The following SEZ6L2 variants were observed in gnomAD, a reference collection of about 807,000 sequenced individuals.
SEZ6L2 encodes the protein seizure related 6 homolog like 2, also known as seizure 6-like protein 2.
SEZ6L2 carries 44 observed loss-of-function variants against 97.0 expected under a neutral mutation model. The ratio of observed to expected loss-of-function variants is 0.45; its 90% CI spans 0.36 to 0.58. The LOEUF is 0.58. Among genes scored for constraint, SEZ6L2 ranks in the 20% least tolerant of loss-of-function variants. The pLI, the probability that SEZ6L2 is intolerant of heterozygous loss-of-function variation, is 0.00. For synonymous variants in SEZ6L2, 543 were observed against 546.1 expected, an observed-to-expected ratio of 0.99 and a Z score of 0.08; for missense variants, 1,086 against 1,233.3, an observed-to-expected ratio of 0.88 and a Z score of 1.79.
At chr16:29,894,226 C>T (rs1011741266) in intron 5 of SEZ6L2, among the ~76,000 whole-genome samples, 4 of 152,200 alleles carry the variant, frequency 2.6e-5, no homozygotes, top group Non-Finnish European at 4.4e-5. Flanking sequence ...CCCCATAATA[C>T]TAAGTATTGT....
chr16:29,878,253 C>CA (rs2067951513), intron 10 of SEZ6L2, 34 bp downstream of exon 10: 3 of 1,555,052 alleles, frequency 1.9e-6, no homozygotes, highest in Non-Finnish European at 2.6e-6. Context: ...GCTGAGCCTA[C>CA]ACCCGTCGCA....
At position 29,885,668 on chromosome 16, in the gene SEZ6L2, G is replaced by A. The variant is rs145226777; in HGVS notation, c.1290C>T (p.Leu430=). ...CGTAGAGGGACTGGGCGTCACTGAT[G>A]AGACCCCGCTCGGGGACATCGTCCA... ...SDMDDVPERG[L]ISDAQSLYVE... The change falls in exon 8 of 18, where the codon CTC becomes CTT. Residue 430 remains leucine, a synonymous_variant. Coordinates refer to ENST00000617533, the MANE Select transcript of SEZ6L2 (RefSeq NM_001243332.2). 794 of 1,614,060 alleles carry A rather than the reference G, an allele frequency of 4.9e-4. 4 individuals carry two copies. The African/African-American group carries it at 9.3e-3, about 19-fold the overall frequency.
chr16:29,877,579 G>T, intron 10 of SEZ6L2, 112 bp from the exon 11 acceptor site: 2 of 985,822 alleles, frequency 2.0e-6, no homozygotes, highest in Non-Finnish European at 2.9e-6. Flanking sequence ...CTCCAGCCCC[G>T]CCCATATTCT....
chr16:29,895,179 A>C (rs1410783087), intron 5 of SEZ6L2, 80 bp downstream of exon 5: 1 of 18,554 alleles, frequency 5.4e-5, no homozygotes, highest in Non-Finnish European at 1.0e-4. Context: ...ACTCTGTCTC[A>C]AAAAAAAAAA....
chr16:29,881,841 G>C (rs2068037296), intron 8 of SEZ6L2, among the ~76,000 whole-genome samples: 1 of 145,982 alleles, frequency 6.9e-6, no homozygotes, highest in Non-Finnish European at 1.5e-5. Flanking sequence ...TGTTGGCCAG[G>C]CTGGTCTCGA....
chr16:29,873,394 C>T lies in SEZ6L2; in HGVS notation c.2334G>A (p.Glu778=), dbSNP rs766654683. 1 of 1,614,276 alleles carries T rather than the reference C, an allele frequency of 6.2e-7. No individual in the cohort carries two copies. The highest frequency in any genetic ancestry group is 1.7e-5 in the Admixed American group (1 of 60,034). ...GCTTGTACAGCGTCTGGTAGCCATTCTCGGGAACCCCCGGGTTCAGGCACG... is the reference window on the plus strand; with the variant it reads ...GCTTGTACAGCGTCTGGTAGCCATTTTCGGGAACCCCCGGGTTCAGGCACG... ...YEPCLNPGVP[E]NGYQTLYKHH... Residue 778 remains glutamate (E), a synonymous_variant, in exon 14 of 18, where the codon GAG becomes GAA. Transcript: ENST00000617533. This position sits in a 1 kb window ranked among gnomAD's most constrained non-coding sequence, Gnocchi z 4.3.
rs1304190709 is a variant in SEZ6L2 at position 29,873,091 on chromosome 16, T to C, written c.2488+149A>G. 6.7e-6 allele frequency: 6 copies of C among 898,466 alleles called. No homozygotes were observed. In the African/African-American group the frequency reaches 8.4e-5, roughly 13 times the overall value. The allele number at this position is 898,466 out of a possible 1,614,324, so 55.7% of individuals were successfully genotyped here. A position where few individuals can be genotyped will look rare whatever the true frequency, so the allele number is the denominator to read the frequency against. On this transcript the variant is annotated intron_variant, in intron 14 of 17. Coordinates refer to ENST00000617533, the MANE Select transcript of SEZ6L2 (RefSeq NM_001243332.2). This position sits in a 1 kb window ranked among gnomAD's most constrained non-coding sequence, Gnocchi z 4.3. ...ATGACCTCACACGACCCAGGGCTTC[T>C]GGACACACCCGTGAGGACACGAGGC...
rs574764119 is a variant in SEZ6L2, at chr16:29,872,429, G to A, written c.2625C>T (p.Gly875=). 16 of 1,614,168 alleles carry A rather than the reference G, an allele frequency of 9.9e-6. No individual in the cohort carries two copies. The highest frequency in any genetic ancestry group is 7.7e-5 in the South Asian group (7 of 91,088). Reference sequence around the variant, plus strand: ...CTTACTTGGTGTAGTAGATGTAAACGCCACTGCCGAGGACAATGACCAAGC... The same window carrying A: ...CTTACTTGGTGTAGTAGATGTAAACACCACTGCCGAGGACAATGACCAAGC... The part of the protein sequence containing the change: ...PLGLVIVLGS[G]VYIYYTKLQG... The change falls in exon 16 of 18, where the codon GGC becomes GGT. Residue 875 remains glycine (G), a synonymous_variant. Transcript: ENST00000617533.
intron 8 of SEZ6L2, 22 bp downstream of exon 8, chr16:29,885,564 T>A (rs772000258): frequency 9.3e-6 from 15 of 1,605,792 alleles, no homozygotes; most frequent in Non-Finnish European, 6.8e-6. Flanking sequence ...GTTGGGGTCC[T>A]GTGGGGGAGT....
At chr16:29,895,618 G>A in intron 4 of SEZ6L2, 103 bp downstream of exon 4, 1 of 1,456,892 alleles carries the variant, frequency 6.9e-7, no homozygotes, top group East Asian at 2.3e-5. Context: ...GGTCACCTGA[G>A]TCATCAGACA....
At chr16:29,874,458 A>G (rs74017639) in intron 12 of SEZ6L2, among the ~76,000 whole-genome samples, 1,786 of 150,736 alleles carry the variant, frequency 0.012, 27 homozygotes, top group African/African-American at 0.042. Flanking sequence ...TTGTGAAGGA[A>G]TCATAATCAT....
rs1366186692 is a variant in SEZ6L2 at position 29,873,115 on chromosome 16, G to A, written c.2488+125C>T. The A allele has an allele frequency of 9.1e-7, 1 of 1,101,208 alleles. No individual in the cohort carries two copies. The highest frequency in any genetic ancestry group is 1.3e-6 in the Non-Finnish European group (1 of 772,864). 68.2% of individuals were successfully genotyped at this position (1,101,208 alleles called of 1,614,324 possible). On this transcript the variant is annotated intron_variant, in intron 14 of 17. Coordinates refer to ENST00000617533, the MANE Select transcript of SEZ6L2 (RefSeq NM_001243332.2). This position sits in a 1 kb window ranked among gnomAD's most constrained non-coding sequence, Gnocchi z 4.3. ...CTGGACACACCCGTGAGGACACGAG[G>A]CCACAGGAGGAGAACCGGGAGCTCT...
In SEZ6L2 at chr16:29,873,521, G is replaced by T. The variant is rs1413402614; in HGVS notation, c.2296+17C>A. The T allele has an allele frequency of 1.9e-6, 3 of 1,614,028 alleles. No individual in the cohort carries two copies. Among genetic ancestry groups the T allele is most frequent in the Non-Finnish European group, 2.5e-6 (3 of 1,180,002 alleles). On this transcript the variant is annotated intron_variant, in intron 13 of 17. Transcript: ENST00000617533. This position sits in a 1 kb window ranked among gnomAD's most constrained non-coding sequence, Gnocchi z 4.3. ...AGGGCTACCCAGCCACCCTCCCAGGGTGTGCCCCAGACTCACAGGCGCATT... is the reference window on the plus strand; with the variant it reads ...AGGGCTACCCAGCCACCCTCCCAGGTTGTGCCCCAGACTCACAGGCGCATT...
At position 29,899,312 on chromosome 16, in the gene SEZ6L2, A is replaced by C; in HGVS notation, c.-293T>G. The C allele has an allele frequency of 2.5e-6, 1 of 393,506 alleles. No individual in the cohort carries two copies. The allele number at this position is 393,506 out of a possible 1,614,324, so 24.4% of individuals were successfully genotyped here. ...CAGGGGGTGGGGCCGAGAGGGCCGA[A>C]GGGGCCGGGTGGCCTGGGTTACCCT... On this transcript the variant is annotated 5_prime_UTR_variant, in exon 1 of 18. Transcript: ENST00000617533.
rs2067832560 is a variant in SEZ6L2, at chr16:29,873,497, G to A, written c.2296+41C>T. 1 of 1,613,850 alleles carries A rather than the reference G, an allele frequency of 6.2e-7. No homozygotes were observed. ...TGCACGGGGCAGACGGGCTCTCCCA[G>A]GGCTACCCAGCCACCCTCCCAGGGT... On this transcript the variant is annotated intron_variant, in intron 13 of 17. Transcript: ENST00000617533. This position sits in a 1 kb window ranked among gnomAD's most constrained non-coding sequence, Gnocchi z 4.3.
At chr16:29,871,849 G>T (rs2067790107) in intron 17 of SEZ6L2, 121 bp from the exon 18 acceptor site, 13 of 855,106 alleles carry the variant, frequency 1.5e-5, no homozygotes, top group Non-Finnish European at 2.5e-5. Context: ...GGGCTGGGGG[G>T]CCAGTGAATG....
intron 8 of SEZ6L2, among the ~76,000 whole-genome samples, chr16:29,880,328 ATT>A (rs11312644): frequency 2.9e-5 from 4 of 137,544 alleles, no homozygotes; most frequent in African/African-American, 5.3e-5. Context: ...ATGCCCAGCT[ATT>A]TTTTTTTTTT....
chr16:29,896,989 GC>G lies in SEZ6L2; in HGVS notation c.343del (p.Ala115GlnfsTer9). 1.3e-6 allele frequency: 2 copies of G among 1,589,644 alleles called. No individual in the cohort carries two copies. The highest frequency in any genetic ancestry group is 2.3e-5 in the East Asian group (1 of 43,978). On this transcript the variant is annotated frameshift_variant, in exon 3 of 18. Coordinates refer to ENST00000617533, the MANE Select transcript of SEZ6L2 (RefSeq NM_001243332.2). LOFTEE classifies it high-confidence loss of function. ...TAVTPNGVRGAGPTAPELLTP... is the reference protein window; with the variant it reads ...TAVTPNGVRGXGPTAPELLTP... ...CAGCAGTTCTGGCGCAGTGGGGCCT[GC>G]CCCCCTGACCCCGTTAGGGGTGACG...
chr16:29,888,772 C>T, intron 5 of SEZ6L2, 47 bp from the exon 6 acceptor site: 4 of 1,515,398 alleles, frequency 2.6e-6, no homozygotes, highest in African/African-American at 1.4e-5. Context: ...TCCCATGCCA[C>T]CCTCTCATAC....
Sources: allele counts gnomAD v4.1 joint callset (sites outside exome capture counted in the v4.1 genomes callset), GRCh38; gene constraint gnomAD v4.1.1; non-coding constraint Gnocchi (gnomAD v3.1); transcripts MANE v1.5; gene names NCBI Gene and HGNC (gene_info 2026-07-23, HGNC 2026-07-21).